SPRED1: variants seen among roughly 807,000 people sequenced by gnomAD.
SPRED1 encodes the protein sprouty related EVH1 domain containing 1.
A neutral mutation model predicts 52.3 loss-of-function variants in SPRED1; 18 were observed. That is an observed-to-expected ratio of 0.34 (90% CI 0.24 to 0.51). SPRED1 has a LOEUF of 0.51. Among genes scored for constraint, SPRED1 ranks in the 20% least tolerant of loss-of-function variants. The pLI, the probability that SPRED1 is intolerant of heterozygous loss-of-function variation, is 0.97. For missense variants in SPRED1, 485 were observed against 551.0 expected (o/e 0.88, Z 1.20); for synonymous variants, 155 against 179.7 (o/e 0.86, Z 1.10).
At chr15:38,259,234 C>T (rs1894159187) in intron 1 of SPRED1, among the ~76,000 whole-genome samples, 1 of 152,114 alleles carries the variant, frequency 6.6e-6, no homozygotes, top group South Asian at 2.1e-4. Flanking sequence ...TTTTGTACTA[C>T]TCAATTTTGT....
chr15:38,261,604 T>G (rs1566847037), intron 1 of SPRED1, among the ~76,000 whole-genome samples: 2 of 152,190 alleles, frequency 1.3e-5, no homozygotes, highest in South Asian at 4.1e-4. Context: ...GACGGAGTCT[T>G]GCTCTGTCTC....
chr15:38,262,864 A>G (rs893703826), intron 1 of SPRED1, among the ~76,000 whole-genome samples: 4 of 152,236 alleles, frequency 2.6e-5, no homozygotes, highest in African/African-American at 9.6e-5. Context: ...CCTCCTCACC[A>G]CAACTATCTT....
chr15:38,278,857 T>G (rs1397984522), intron 1 of SPRED1, among the ~76,000 whole-genome samples: 1 of 127,738 alleles, frequency 7.8e-6, no homozygotes, highest in African/African-American at 3.0e-5. Flanking sequence ...AAATGAAGTC[T>G]CACTCTGTCG....
At position 38,294,600 on chromosome 15, in the gene SPRED1, A is replaced by G. The variant is rs139710112; in HGVS notation, c.33-4773A>G. ...ATATCAAGGTATTTCTTGGGTATGTATTATAATAGAAAAGAAAGGTATAGA... is the reference window on the plus strand; with the variant it reads ...ATATCAAGGTATTTCTTGGGTATGTGTTATAATAGAAAAGAAAGGTATAGA... On this transcript the variant is annotated intron_variant, in intron 1 of 6. Coordinates refer to ENST00000299084, the MANE Select transcript of SPRED1 (RefSeq NM_152594.3). Among the ~76,000 whole-genome samples, 35 of 152,284 alleles carry G rather than the reference A, an allele frequency of 2.3e-4. No individual in the cohort carries two copies. In the East Asian group the frequency reaches 5.6e-3, roughly 24 times the overall value.
intron 2 of SPRED1, among the ~76,000 whole-genome samples, chr15:38,308,548 C>T (rs193231422): frequency 2.0e-5 from 3 of 152,246 alleles, no homozygotes; most frequent in East Asian, 3.9e-4. Context: ...CAATTATTTC[C>T]GTAATTTTGT....
chr15:38,296,180 G>T (rs1019720365), intron 1 of SPRED1, among the ~76,000 whole-genome samples: 2 of 152,138 alleles, frequency 1.3e-5, no homozygotes, highest in South Asian at 2.1e-4. Flanking sequence ...GTTGGGTGGG[G>T]TATATAATAG....
chr15:38,318,162 C>T (rs1490092550), intron 2 of SPRED1, among the ~76,000 whole-genome samples: 1 of 151,932 alleles, frequency 6.6e-6, no homozygotes, highest in East Asian at 1.9e-4. Context: ...TTCATTTTAG[C>T]AGCTACCATA....
intron 4 of SPRED1, among the ~76,000 whole-genome samples, chr15:38,329,275 C>A (rs1188248729): frequency 6.6e-6 from 1 of 152,046 alleles, no homozygotes; most frequent in Non-Finnish European, 1.5e-5. Flanking sequence ...TCTCATTTGG[C>A]CATTGAGAAG....
At position 38,306,099 on chromosome 15, in the gene SPRED1, T is replaced by A. The variant is rs202016153; in HGVS notation, c.207+6552T>A. Among the ~76,000 whole-genome samples the A allele has an allele frequency of 1.4e-4, 21 of 152,304 alleles. No individual in the cohort carries two copies. The East Asian group carries it at 3.9e-3, about 28-fold the overall frequency. On this transcript the variant is annotated intron_variant, in intron 2 of 6. Transcript: ENST00000299084. ...ATACTTCTTTAGGATTCCCCACTGA[T>A]TTCCTAGAGACAATTTCATCTCCAC...
In SPRED1 at chr15:38,353,824, G is replaced by A. The variant is rs1228122704; in HGVS notation, c.*2160G>A. The A allele has an allele frequency of 3.3e-5, 5 of 152,488 alleles. No homozygotes were observed. The highest frequency in any genetic ancestry group is 1.2e-4 in the African/African-American group (5 of 41,418). 9.4% of individuals were successfully genotyped at this position (152,488 alleles called of 1,614,324 possible). A position where few individuals can be genotyped will look rare whatever the true frequency, so the allele number is the denominator to read the frequency against. On this transcript the variant is annotated 3_prime_UTR_variant, in exon 7 of 7. Transcript: ENST00000299084. ...GAAATGAACTGTGTATATACTTCTG[G>A]GAGGAACAAATTTAATCATTTCTTC...
At chr15:38,328,254 A>G (rs531238402) in intron 4 of SPRED1, among the ~76,000 whole-genome samples, 43 of 152,344 alleles carry the variant, frequency 2.8e-4, no homozygotes, top group Middle Eastern at 3.4e-3. Flanking sequence ...AGTAATGATA[A>G]TGTTATATTT....
chr15:38,351,750 T>C lies in SPRED1; in HGVS notation c.*86T>C. On this transcript the variant is annotated 3_prime_UTR_variant, in exon 7 of 7. Transcript: ENST00000299084. ...TTGTGGAAGCTTTTGGCAAGCAATATGGAATCTTGCCTGGTATCATTGAGC... is the reference window on the plus strand; with the variant it reads ...TTGTGGAAGCTTTTGGCAAGCAATACGGAATCTTGCCTGGTATCATTGAGC... 2 of 1,491,852 alleles carry C rather than the reference T, an allele frequency of 1.3e-6. No homozygotes were observed. Among genetic ancestry groups the C allele is most frequent in the Non-Finnish European group, 1.8e-6 (2 of 1,095,586 alleles). The allele number at this position is 1,491,852 out of a possible 1,614,324, so 92.4% of individuals were successfully genotyped here.
At chr15:38,328,437 C>A (rs1354761411) in intron 4 of SPRED1, among the ~76,000 whole-genome samples, 1 of 152,148 alleles carries the variant, frequency 6.6e-6, no homozygotes, top group Admixed American at 6.5e-5. Flanking sequence ...ATGTCTTCAT[C>A]AATTATCATA....
intron 2 of SPRED1, among the ~76,000 whole-genome samples, chr15:38,299,796 C>T (rs551232095): frequency 6.6e-6 from 1 of 151,976 alleles, no homozygotes; most frequent in South Asian, 2.1e-4. Context: ...AATAAATAGT[C>T]CCCCTAGTTA....
intron 4 of SPRED1, among the ~76,000 whole-genome samples, chr15:38,335,328 G>A (rs1288529475): frequency 6.6e-6 from 1 of 151,940 alleles, no homozygotes; most frequent in African/African-American, 2.4e-5. Context: ...TTTGCCTGAA[G>A]AATAATGGGA....
At chr15:38,328,936 A>C (rs1275205951) in intron 4 of SPRED1, among the ~76,000 whole-genome samples, 2 of 152,066 alleles carry the variant, frequency 1.3e-5, no homozygotes, top group African/African-American at 4.8e-5. Context: ...GGCTGGTCTC[A>C]AACTCCTGGG....
chr15:38,312,577 T>G (rs1895391029), intron 2 of SPRED1, among the ~76,000 whole-genome samples: 2 of 152,250 alleles, frequency 1.3e-5, no homozygotes, highest in South Asian at 4.1e-4. Context: ...CCTTGATATA[T>G]TTCCAAGATG....
At chr15:38,338,038 T>TAAAAA (rs66632536) in intron 4 of SPRED1, among the ~76,000 whole-genome samples, 1 of 88,910 alleles carries the variant, frequency 1.1e-5, no homozygotes, top group Admixed American at 1.3e-4. Flanking sequence ...CCATTGCTAC[T>TAAAAA]AAAAAAAAAA....
intron 2 of SPRED1, among the ~76,000 whole-genome samples, chr15:38,301,289 T>A (rs917373453): frequency 6.6e-6 from 1 of 152,158 alleles, no homozygotes; most frequent in African/African-American, 2.4e-5. Context: ...AAACTTTTAT[T>A]CCCTATGACA....
Sources: allele counts gnomAD v4.1 joint callset (sites outside exome capture counted in the v4.1 genomes callset), GRCh38; gene constraint gnomAD v4.1.1; transcripts MANE v1.5; gene names NCBI Gene and HGNC (gene_info 2026-07-23, HGNC 2026-07-21).